The following TMEM132D variants were observed in gnomAD, a reference collection of about 807,000 sequenced individuals.
TMEM132D encodes the protein mature OL transmembrane protein.
Under a neutral mutation model 62.3 loss-of-function variants are expected in TMEM132D, and 21 were observed. The ratio of observed to expected loss-of-function variants is 0.34; its 90% confidence interval spans 0.24 to 0.49. The LOEUF (loss-of-function observed/expected upper bound fraction) is 0.49, where lower values mean the gene tolerates loss of function less well. Among genes scored for constraint, TMEM132D ranks in the 20% least tolerant of loss-of-function variants. The pLI, the probability that TMEM132D is intolerant of heterozygous loss-of-function variation, is 0.99. For missense variants in TMEM132D, 1,346 were observed against 1,402.8 expected (o/e 0.96, Z 0.65); for synonymous variants, 621 against 575.6 (o/e 1.08, Z -1.13).
chr12:129,750,853 A>C (rs1196287541), intron 1 of TMEM132D, among the ~76,000 whole-genome samples: 1 of 152,218 alleles, frequency 6.6e-6, no homozygotes, highest in Non-Finnish European at 1.5e-5. Context: ...CTCACCAAAA[A>C]AAAAATAAAT....
intron 1 of TMEM132D, among the ~76,000 whole-genome samples, chr12:129,739,551 G>A (rs1593142471): frequency 6.6e-6 from 1 of 152,164 alleles, no homozygotes; most frequent in South Asian, 2.1e-4. Context: ...GGACTGCTGG[G>A]TCACACCTAT....
chr12:129,809,803 G>A (rs1872114577), intron 1 of TMEM132D, among the ~76,000 whole-genome samples: 1 of 152,110 alleles, frequency 6.6e-6, no homozygotes, highest in Non-Finnish European at 1.5e-5. Context: ...AGCAATGAGA[G>A]AGGGTAAATA....
chr12:129,451,042 G>A (rs150228041), intron 3 of TMEM132D, among the ~76,000 whole-genome samples: 4,881 of 152,068 alleles, frequency 0.032, 214 homozygotes, highest in East Asian at 0.13. Context: ...GATTACAGGC[G>A]TGAGCCACCG....
intron 1 of TMEM132D, among the ~76,000 whole-genome samples, chr12:129,753,079 T>C (rs1870050945): frequency 6.6e-6 from 1 of 152,196 alleles, no homozygotes; most frequent in African/African-American, 2.4e-5. Flanking sequence ...CCAAAAGTCA[T>C]GGCTAACAGG....
chr12:129,509,624 C>G (rs1179323318), intron 3 of TMEM132D, among the ~76,000 whole-genome samples: 2 of 152,092 alleles, frequency 1.3e-5, no homozygotes, highest in African/African-American at 4.8e-5. Context: ...CTTCTGCCCC[C>G]AACTACCTTT....
At chr12:129,670,864 C>G (rs1376971941) in intron 2 of TMEM132D, among the ~76,000 whole-genome samples, 2 of 152,140 alleles carry the variant, frequency 1.3e-5, no homozygotes, top group African/African-American at 2.4e-5. Flanking sequence ...CACCAAAAAT[C>G]TAAACTGAGC....
At chr12:129,170,207 CTG>C (rs1416447220) in intron 5 of TMEM132D, 2 of 152,202 alleles carry the variant, frequency 1.3e-5, no homozygotes, top group Admixed American at 6.6e-5. Flanking sequence ...CATATGCAAA[CTG>C]TGAATAAATA....
chr12:129,243,370 ATTATTT>A (rs1164973678), intron 4 of TMEM132D, among the ~76,000 whole-genome samples: 1 of 152,104 alleles, frequency 6.6e-6, no homozygotes, highest in Non-Finnish European at 1.5e-5. Context: ...TATTATTATT[ATTATTT>A]TTACTATACT....
intron 5 of TMEM132D, among the ~76,000 whole-genome samples, chr12:129,144,657 C>T (rs1056854177): frequency 1.3e-5 from 2 of 150,734 alleles, no homozygotes; most frequent in African/African-American, 4.9e-5. Flanking sequence ...TCATCCCTCT[C>T]TCTTGACCTA....
intron 5 of TMEM132D, 190 bp from the exon 6 acceptor site, chr12:129,084,892 G>A: frequency 3.4e-6 from 2 of 587,130 alleles, no homozygotes; most frequent in Non-Finnish European, 6.0e-6. Context: ...AGCAGACGCT[G>A]TTATGAAAGG....
intron 3 of TMEM132D, among the ~76,000 whole-genome samples, chr12:129,478,581 G>T (rs911864179): frequency 2.0e-5 from 3 of 152,158 alleles, no homozygotes; most frequent in Non-Finnish European, 2.9e-5. Context: ...AAGAGACTGG[G>T]GCAGATAGGG....
At chr12:129,889,389 G>A (rs561856158) in intron 1 of TMEM132D, among the ~76,000 whole-genome samples, 1 of 152,210 alleles carries the variant, frequency 6.6e-6, no homozygotes, top group South Asian at 2.1e-4. Context: ...ATCCTACATG[G>A]TCCTTGAACC....
chr12:129,602,540 C>A (rs543161308), intron 2 of TMEM132D, among the ~76,000 whole-genome samples: 1 of 152,204 alleles, frequency 6.6e-6, no homozygotes, highest in African/African-American at 2.4e-5. Flanking sequence ...TTATACCTAT[C>A]CCATCCAACT....
chr12:129,578,486 ATT>A (rs931188807), intron 2 of TMEM132D, among the ~76,000 whole-genome samples: 2 of 150,794 alleles, frequency 1.3e-5, no homozygotes, highest in Admixed American at 1.3e-4. Flanking sequence ...GGATAATAAA[ATT>A]ATATATCTAT....
intron 3 of TMEM132D, among the ~76,000 whole-genome samples, chr12:129,487,132 A>T (rs2137057478): frequency 6.6e-6 from 1 of 152,260 alleles, no homozygotes; most frequent in African/African-American, 2.4e-5. Flanking sequence ...GAGCCACTCC[A>T]GCTGTGAGAA....
At chr12:129,432,951 A>C (rs10847871) in intron 3 of TMEM132D, among the ~76,000 whole-genome samples, 82,473 of 152,002 alleles carry the variant, frequency 0.54, 22,703 homozygotes, top group East Asian at 0.76. Context: ...CCCAGGGTAA[A>C]CATTACCCTG....
chr12:129,890,081 G>C (rs924733642), intron 1 of TMEM132D, among the ~76,000 whole-genome samples: 1 of 152,196 alleles, frequency 6.6e-6, no homozygotes, highest in African/African-American at 2.4e-5. Context: ...AGTATGATGA[G>C]TATGAAGATT....
chr12:129,850,770 C>T (rs1255256485), intron 1 of TMEM132D, among the ~76,000 whole-genome samples: 1 of 152,206 alleles, frequency 6.6e-6, no homozygotes, highest in Non-Finnish European at 1.5e-5. Flanking sequence ...ACATGTTTAG[C>T]ACAAATGCTT....
chr12:129,481,260 G>A (rs1016422226), intron 3 of TMEM132D, among the ~76,000 whole-genome samples: 1 of 152,134 alleles, frequency 6.6e-6, no homozygotes, highest in Non-Finnish European at 1.5e-5. Flanking sequence ...CAAGGTGGGA[G>A]GATCAGTTGA....
Sources: allele counts gnomAD v4.1 joint callset (sites outside exome capture counted in the v4.1 genomes callset), GRCh38; gene constraint gnomAD v4.1.1; transcripts MANE v1.5; gene names NCBI Gene and HGNC (gene_info 2026-07-23, HGNC 2026-07-21).